Variants in ADAMTS1 observed in about 807,000 individuals in gnomAD.
The protein encoded by ADAMTS1 is ADAM metallopeptidase with thrombospondin type 1 motif 1, also known as A disintegrin and metalloproteinase with thrombospondin motifs 1.
A neutral mutation model predicts 87.9 loss-of-function variants in ADAMTS1; 19 were observed. The observed-to-expected ratio is 0.22, with a 90% CI of 0.15 to 0.32. The LOEUF (loss-of-function observed/expected upper bound fraction) is 0.32, where lower values mean the gene tolerates loss of function less well. Ranked by LOEUF, ADAMTS1 falls within the 10% of genes least tolerant of loss-of-function variation. The pLI is 1.00. For synonymous variants in ADAMTS1, 542 were observed against 501.8 expected, an observed-to-expected ratio of 1.08 and a Z score of -1.07; for missense variants, 1,240 against 1,259.1, an observed-to-expected ratio of 0.98 and a Z score of 0.23.
chr21:26,839,629 G>A lies in ADAMTS1; in HGVS notation c.1986C>T (p.Cys662=). ...VSPKDRCKLI[C]QAKGIGYFFV... ...AGAAGTAGCCAATGCCTTTGGCTTG[G>A]CAGATGAGCTTGCACCTGTCCTTTG... Residue 662 remains cysteine, a synonymous_variant, in exon 7 of 9, where the codon TGC becomes TGT. Transcript: ENST00000284984. 1 of 1,610,132 alleles carries A rather than the reference G, an allele frequency of 6.2e-7. No individual in the cohort carries two copies. The highest frequency in any genetic ancestry group is 8.5e-7 in the Non-Finnish European group (1 of 1,176,660).
At position 26,837,375 on chromosome 21, in the gene ADAMTS1, T is replaced by C. The variant is rs1455367496; in HGVS notation, c.*204A>G. 1 of 576,884 alleles carries C rather than the reference T, an allele frequency of 1.7e-6. No individual in the cohort carries two copies. Among genetic ancestry groups the C allele is most frequent in the African/African-American group, 1.9e-5 (1 of 53,612 alleles). 35.7% of individuals were successfully genotyped at this position (576,884 alleles called of 1,614,324 possible). ...ATCACTGCTCAGAGGTTAATAATCC[T>C]CACTAACTATCCTATCAAATTTGCA... On this transcript the variant is annotated 3_prime_UTR_variant, in exon 9 of 9. Transcript: ENST00000284984.
intron 1 of ADAMTS1, among the ~76,000 whole-genome samples, chr21:26,843,180 G>A (rs979799225): frequency 6.6e-6 from 1 of 152,174 alleles, no homozygotes; most frequent in Non-Finnish European, 1.5e-5. Context: ...TCTCATTCCA[G>A]GGGTCCCTGG....
rs145912852 is a variant in ADAMTS1, at chr21:26,843,704, C to G, written c.730+521G>C. 2,129 of 496,952 alleles carry G rather than the reference C, an allele frequency of 4.3e-3. 30 individuals are homozygous for G. Among genetic ancestry groups the G allele is most frequent in the African/African-American group, 0.033 (1,702 of 50,968 alleles). The allele number at this position is 496,952 out of a possible 1,614,324, so 30.8% of individuals were successfully genotyped here. ...TATAAGGGGGAAAGGGGACAGAAGT[C>G]TGCAGAACAGAGATCCTAGCGTAGC... On this transcript the variant is annotated intron_variant, in intron 1 of 8. Coordinates refer to ENST00000284984, the MANE Select transcript of ADAMTS1 (RefSeq NM_006988.5).
intron 8 of ADAMTS1, 46 bp from the exon 9 acceptor site, chr21:26,838,324 T>C (rs1377846801): frequency 6.4e-7 from 1 of 1,565,040 alleles, no homozygotes; most frequent in Non-Finnish European, 8.7e-7. Flanking sequence ...CATTGGCTAA[T>C]TAGATTATTT....
rs746261364 is a variant in ADAMTS1 at position 26,843,695 on chromosome 21, G to A, written c.730+530C>T. On this transcript the variant is annotated intron_variant, in intron 1 of 8. Transcript: ENST00000284984. ...GGTCAGCCTTATAAGGGGGAAAGGG[G>A]ACAGAAGTCTGCAGAACAGAGATCC... 9 of 492,862 alleles carry A rather than the reference G, an allele frequency of 1.8e-5. No homozygotes were observed. In the East Asian group the frequency reaches 5.5e-4, roughly 30 times the overall value. The allele number at this position is 492,862 out of a possible 1,614,324, so 30.5% of individuals were successfully genotyped here. A position where few individuals can be genotyped will look rare whatever the true frequency, so the allele number is the denominator to read the frequency against.
chr21:26,840,114 G>A, intron 5 of ADAMTS1, 53 bp from the exon 6 acceptor site: 1 of 1,568,350 alleles, frequency 6.4e-7, no homozygotes, highest in Non-Finnish European at 8.6e-7. Context: ...AGAACTTTTA[G>A]GGTATCAAAG....
In ADAMTS1 at chr21:26,837,740, C is replaced by A. The variant is rs779134194; in HGVS notation, c.2743G>T (p.Gly915Trp). The change falls in exon 9 of 9, where the codon GGG (glycine) becomes TGG (tryptophan). Residue 915 changes from glycine (G) to tryptophan (W), a missense_variant. Transcript: ENST00000284984. ...ADHPCPQWQL[G>W]EWSSCSKTCG... ...GTCTTAGAACATGATGACCACTCCC[C>A]CAGCTGCCACTGGGGGCAGGGATGG... The A allele has an allele frequency of 6.2e-7, 1 of 1,614,178 alleles. No homozygotes were observed. The highest frequency in any genetic ancestry group is 8.5e-7 in the Non-Finnish European group (1 of 1,180,036).
Position 26,844,618 on chromosome 21 carries a change from T to C in ADAMTS1, c.337A>G (p.Thr113Ala), listed in dbSNP as rs1233756917. The C allele has an allele frequency of 6.2e-7, 1 of 1,609,314 alleles. No individual in the cohort carries two copies. The highest frequency in any genetic ancestry group is 1.1e-5 in the South Asian group (1 of 90,172). Residue 113 changes from threonine (T) to alanine (A), a missense_variant, in exon 1 of 9, where the codon ACG (threonine) becomes GCG (alanine). By Grantham distance (58) the Thr-to-Ala change is moderately conservative. Around this residue, in one of 3 missense-constraint regions of ADAMTS1, gnomAD observed 521 missense variants for 449.7 expected, o/e 1.16. Transcript: ENST00000284984. ...QNVGRKSGSETPLPETDLAHC... is the reference protein window; with the variant it reads ...QNVGRKSGSEAPLPETDLAHC... Reference sequence around the variant, plus strand: ...GCCAGGTCGGTTTCCGGAAGCGGCGTCTCGGACCCGGATTTGCGCCCCACG... The same window carrying C: ...GCCAGGTCGGTTTCCGGAAGCGGCGCCTCGGACCCGGATTTGCGCCCCACG...
At position 26,844,300 on chromosome 21, in the gene ADAMTS1, C is replaced by A; in HGVS notation, c.655G>T (p.Gly219Trp). The change falls in exon 1 of 9, where the codon GGG becomes TGG. Residue 219 changes from glycine to tryptophan, a missense_variant. Around this residue, in one of 3 missense-constraint regions of ADAMTS1, gnomAD observed 521 missense variants for 449.7 expected, o/e 1.16. Coordinates refer to ENST00000284984, the MANE Select transcript of ADAMTS1 (RefSeq NM_006988.5). ...GCCCCTTCGTCCTCGCCCTCAGTCCCTTCGTCCTCGTCTTCGGTCTCCGCT... is the reference window on the plus strand; with the variant it reads ...GCCCCTTCGTCCTCGCCCTCAGTCCATTCGTCCTCGTCTTCGGTCTCCGCT... ...GKAETEDEDE[G>W]TEGEDEGAQW... 6.2e-7 allele frequency: 1 copy of A among 1,609,506 alleles called. No individual in the cohort carries two copies. Among genetic ancestry groups the A allele is most frequent in the Non-Finnish European group, 8.5e-7 (1 of 1,178,778 alleles).
rs895045737 is a variant in ADAMTS1 at position 26,840,929 on chromosome 21, G to T, written c.1378+69C>A. The T allele has an allele frequency of 7.0e-5, 106 of 1,513,744 alleles. 1 individual carries two copies. The highest frequency in any genetic ancestry group is 8.4e-5 in the Non-Finnish European group (93 of 1,110,850). 93.8% of individuals were successfully genotyped at this position (1,513,744 alleles called of 1,614,324 possible). A position where few individuals can be genotyped will look rare whatever the true frequency, so the allele number is the denominator to read the frequency against. The stretch of plus-strand genomic sequence containing the variant: ...AAATAAAAAGAACAAAAAGGAAAGA[G>T]TTCATTTAACTAAACTTTATGCGTG... On this transcript the variant is annotated intron_variant, in intron 4 of 8. Transcript: ENST00000284984.
At chr21:26,842,789 A>C (rs143707932) in intron 1 of ADAMTS1, 104 bp from the exon 2 acceptor site, 12,418 of 872,676 alleles carry the variant, frequency 0.014, 101 homozygotes, top group Non-Finnish European at 0.018. Flanking sequence ...AACAAAGCAA[A>C]AATATACCCA....
At chr21:26,843,121 C>CT in intron 1 of ADAMTS1, 1 of 264,644 alleles carries the variant, frequency 3.8e-6, no homozygotes, top group Non-Finnish European at 7.3e-6. Context: ...GCCTGGGCTG[C>CT]TGCCAAGGGG....
chr21:26,841,398 G>C (rs1460791636), intron 3 of ADAMTS1: 1 of 404,796 alleles, frequency 2.5e-6, no homozygotes, highest in Non-Finnish European at 4.4e-6. Flanking sequence ...AGAATCGCTT[G>C]AACCCAGGAG....
At chr21:26,844,180 G>A in intron 1 of ADAMTS1, 45 bp downstream of exon 1, 1 of 1,514,480 alleles carries the variant, frequency 6.6e-7, no homozygotes, top group African/African-American at 1.4e-5. Context: ...GATAAAGTGA[G>A]GAGAGGAGGA....
Position 26,841,149 on chromosome 21 carries a change from C to T in ADAMTS1, c.1227G>A (p.Met409Ile), listed in dbSNP as rs1333070486. The change falls in exon 4 of 9, where the codon ATG (methionine) becomes ATA (isoleucine). Residue 409 changes from methionine to isoleucine, a missense_variant. By Grantham distance (10) the Met-to-Ile change is conservative (BLOSUM62 1). Coordinates refer to ENST00000284984, the MANE Select transcript of ADAMTS1 (RefSeq NM_006988.5). The part of the protein sequence containing the change: ...TAHELGHVFN[M>I]PHDDAKQCAS... Reference sequence around the variant, plus strand: ...CACACTGCTTTGCATCATCATGTGGCATGTTAAACACGTGGCCTAGGAAGC... The same window carrying T: ...CACACTGCTTTGCATCATCATGTGGTATGTTAAACACGTGGCCTAGGAAGC... 4.3e-6 allele frequency: 7 copies of T among 1,614,102 alleles called. No homozygotes were observed. Among genetic ancestry groups the T allele is most frequent in the Non-Finnish European group, 5.9e-6 (7 of 1,179,994 alleles).
In ADAMTS1 at chr21:26,842,396, G is replaced by A. The variant is rs1985512789; in HGVS notation, c.1020C>T (p.Asn340=). ...GCTCTGCATCCCGGTCACTGGGTGG[G>A]TTGTGCTGCTTCTGCCAGTTGCAAA... is the stretch of plus-strand genomic sequence containing the variant. The part of the protein sequence containing the change: ...RNFCNWQKQH[N]PPSDRDAEHY... Residue 340 remains asparagine, a synonymous_variant, in exon 2 of 9, where the codon AAC becomes AAT. Transcript: ENST00000284984. 6.2e-7 allele frequency: 1 copy of A among 1,614,048 alleles called. No individual in the cohort carries two copies. The highest frequency in any genetic ancestry group is 1.3e-5 in the African/African-American group (1 of 74,922).
Position 26,841,889 on chromosome 21 carries a change from T to C in ADAMTS1, c.1179A>G (p.Leu393=). 6.2e-7 allele frequency: 1 copy of C among 1,614,038 alleles called. No homozygotes were observed. Among genetic ancestry groups the C allele is most frequent in the Non-Finnish European group, 8.5e-7 (1 of 1,180,020 alleles). Residue 393 remains leucine (L), a synonymous_variant, in exon 3 of 9, where the codon TTA becomes TTG. Transcript: ENST00000284984. ...CATGGGCTGTGGTGAAGGCAGCTTGTAAACCATCATCTTCTATGACGGAGC... is the reference window on the plus strand; with the variant it reads ...CATGGGCTGTGGTGAAGGCAGCTTGCAAACCATCATCTTCTATGACGGAGC... ...RSCSVIEDDG[L]QAAFTTAHEL...
intron 1 of ADAMTS1, chr21:26,843,471 T>C (rs1289984562): frequency 2.1e-6 from 1 of 467,952 alleles, no homozygotes; most frequent in Non-Finnish European, 4.4e-6. Flanking sequence ...GGCACCAAAG[T>C]GATGAAACAA....
intron 1 of ADAMTS1, 86 bp downstream of exon 1, chr21:26,844,139 G>T: frequency 1.4e-6 from 2 of 1,461,500 alleles, no homozygotes; most frequent in Non-Finnish European, 1.8e-6. Flanking sequence ...CTGCCTGCCA[G>T]CAGGAGTCTA....
Sources: allele counts gnomAD v4.1 joint callset (sites outside exome capture counted in the v4.1 genomes callset), GRCh38; gene constraint gnomAD v4.1.1; regional missense constraint gnomAD v4.1.1; transcripts MANE v1.5; gene names NCBI Gene and HGNC (gene_info 2026-07-23, HGNC 2026-07-21).